CPQ: variants seen among roughly 807,000 people sequenced by gnomAD.
CPQ encodes Ser-Met dipeptidase.
A neutral mutation model predicts 45.7 loss-of-function variants in CPQ; 37 were observed. The observed-to-expected ratio is 0.81, with a 90% CI of 0.62 to 1.07. CPQ has a LOEUF of 1.07. Among genes scored for constraint, CPQ ranks in the 50% least tolerant of loss-of-function variants. The pLI is 0.00. For synonymous variants in CPQ, 186 were observed against 205.8 expected (o/e 0.90, Z 0.82); for missense variants, 537 against 572.9 (o/e 0.94, Z 0.64).
chr8:96,859,909 G>T (rs992235085), intron 3 of CPQ, among the ~76,000 whole-genome samples: 2 of 152,032 alleles, frequency 1.3e-5, no homozygotes, highest in Non-Finnish European at 2.9e-5. Flanking sequence ...ACTAATATCT[G>T]GAATTTCTGG....
chr8:97,079,961 A>G (rs780713958), intron 7 of CPQ, among the ~76,000 whole-genome samples: 12 of 152,154 alleles, frequency 7.9e-5, no homozygotes, highest in Non-Finnish European at 1.6e-4. Context: ...CAGGACAGCT[A>G]GAAACTTTTG....
chr8:96,880,267 G>C (rs1024526578), intron 4 of CPQ, among the ~76,000 whole-genome samples: 29 of 152,172 alleles, frequency 1.9e-4, no homozygotes, highest in African/African-American at 6.5e-4. Flanking sequence ...CTTATATGTT[G>C]TTGGAGGGAC....
chr8:96,846,038 G>A (rs980771880), intron 3 of CPQ, among the ~76,000 whole-genome samples: 2 of 152,086 alleles, frequency 1.3e-5, no homozygotes, highest in East Asian at 1.9e-4. Context: ...GGCTGGTCTC[G>A]AACTCCTGAC....
intron 3 of CPQ, among the ~76,000 whole-genome samples, chr8:96,873,887 G>A (rs558547416): frequency 6.6e-6 from 1 of 151,942 alleles, no homozygotes; most frequent in South Asian, 2.1e-4. Flanking sequence ...GAAATGCTCA[G>A]AAACATAAAG....
In CPQ at chr8:97,143,042, A is replaced by G. The variant is rs746324963; in HGVS notation, c.1278A>G (p.Leu426=). 8 of 1,613,942 alleles carry G rather than the reference A, an allele frequency of 5.0e-6. No homozygotes were observed. In the South Asian group the frequency reaches 7.7e-5, roughly 16 times the overall value. ...CAGGAGCCAGTCTACTTGATGACTTATACAAGTATTTCTTCTTCCATCACT... is the reference window on the plus strand; with the variant it reads ...CAGGAGCCAGTCTACTTGATGACTTGTACAAGTATTTCTTCTTCCATCACT... ...GVPGASLLDD[L]YKYFFFHHSH... Residue 426 remains leucine (L), a synonymous_variant, in exon 8 of 8, where the codon TTA becomes TTG. Coordinates refer to ENST00000220763, the MANE Select transcript of CPQ (RefSeq NM_016134.4).
intron 1 of CPQ, among the ~76,000 whole-genome samples, chr8:96,777,254 A>G (rs1810616666): frequency 6.6e-6 from 1 of 152,130 alleles, no homozygotes; most frequent in East Asian, 1.9e-4. Flanking sequence ...AGTAGGGGAA[A>G]ATGGTGGAAG....
chr8:96,784,690 C>T (rs528471889), intron 1 of CPQ, among the ~76,000 whole-genome samples, 174 bp from the exon 2 acceptor site: 18 of 152,178 alleles, frequency 1.2e-4, no homozygotes, highest in African/African-American at 3.6e-4. Flanking sequence ...GGAGGTCAAT[C>T]GTTGCCTCTT....
intron 5 of CPQ, among the ~76,000 whole-genome samples, chr8:97,021,862 A>C (rs934770125): frequency 3.3e-5 from 5 of 151,862 alleles, no homozygotes; most frequent in Non-Finnish European, 5.9e-5. Flanking sequence ...AAAAGCAAAC[A>C]AACAAACAAA....
At position 97,057,538 on chromosome 8, in the gene CPQ, A is replaced by G. The variant is rs1012461345; in HGVS notation, c.1054-8471A>G. Among the ~76,000 whole-genome samples, 9 of 152,316 alleles carry G rather than the reference A, an allele frequency of 5.9e-5. No individual in the cohort carries two copies. The East Asian group carries it at 1.7e-3, about 29-fold the overall frequency. ...ATCACGCTCTCACATTGGCAGCCAC[A>G]AGCTAGAGCTAAATTATATCCTCAA... On this transcript the variant is annotated intron_variant, in intron 6 of 7. Transcript: ENST00000220763.
intron 6 of CPQ, 61 bp from the exon 7 acceptor site, chr8:97,065,948 T>C (rs956957744): frequency 1.5e-5 from 23 of 1,515,686 alleles, no homozygotes; most frequent in Non-Finnish European, 2.0e-5. Context: ...TGTTTGATAG[T>C]TCCCAAGGAG....
At chr8:96,670,960 A>G (rs1427132040) in intron 1 of CPQ, among the ~76,000 whole-genome samples, 1 of 152,116 alleles carries the variant, frequency 6.6e-6, no homozygotes, top group East Asian at 1.9e-4. Context: ...GACATGCTCT[A>G]TGTCTGGACT....
intron 1 of CPQ, among the ~76,000 whole-genome samples, chr8:96,716,686 T>C (rs1043649636): frequency 6.6e-6 from 1 of 152,100 alleles, no homozygotes. Context: ...GATGGGCAGA[T>C]CACCTGAGGT....
intron 5 of CPQ, among the ~76,000 whole-genome samples, chr8:96,981,993 A>G (rs1232409718): frequency 6.6e-6 from 1 of 152,214 alleles, no homozygotes; most frequent in Non-Finnish European, 1.5e-5. Flanking sequence ...AACATAATCT[A>G]GGAAAAACAC....
chr8:97,101,795 G>A (rs920503561), intron 7 of CPQ, among the ~76,000 whole-genome samples: 3 of 151,834 alleles, frequency 2.0e-5, no homozygotes, highest in Non-Finnish European at 4.4e-5. Flanking sequence ...ATATATAAGG[G>A]CATATAATTA....
chr8:97,097,409 A>G (rs1811226728), intron 7 of CPQ, among the ~76,000 whole-genome samples: 1 of 152,168 alleles, frequency 6.6e-6, no homozygotes, highest in Non-Finnish European at 1.5e-5. Context: ...TATGCTTAAT[A>G]AATTACATTT....
intron 2 of CPQ, among the ~76,000 whole-genome samples, chr8:96,825,293 C>T (rs1377282378): frequency 6.6e-6 from 1 of 151,898 alleles, no homozygotes; most frequent in African/African-American, 2.4e-5. Context: ...TTTCCCTGGG[C>T]CTATAGTTAG....
intron 2 of CPQ, among the ~76,000 whole-genome samples, chr8:96,808,044 C>T (rs539582967): frequency 7.7e-4 from 118 of 152,290 alleles, no homozygotes; most frequent in African/African-American, 2.8e-3. Flanking sequence ...GTTATTTTCA[C>T]AAGTCCCTCT....
rs534296566 is a variant in CPQ at position 96,741,390 on chromosome 8, G to A, written c.-34-43474G>A. Among the ~76,000 whole-genome samples the A allele has an allele frequency of 3.6e-3, 548 of 152,010 alleles. 2 individuals are homozygous for A. Among genetic ancestry groups the A allele is most frequent in the African/African-American group, 0.012 (512 of 41,450 alleles). On this transcript the variant is annotated intron_variant, in intron 1 of 7. Transcript: ENST00000220763. Reference sequence around the variant, plus strand: ...TTTTTTCTTTATTAGTCTTGCTAGCGGTCTATCAATTTTGTTGATCCTTTC... The same window carrying A: ...TTTTTTCTTTATTAGTCTTGCTAGCAGTCTATCAATTTTGTTGATCCTTTC...
At chr8:97,095,377 T>C (rs2513410) in intron 7 of CPQ, among the ~76,000 whole-genome samples, 104,738 of 152,076 alleles carry the variant, frequency 0.69, 36,339 homozygotes, top group African/African-American at 0.74. Context: ...CACTCTCCCT[T>C]ATTCAGTCAA....
Sources: gnomAD v4.1 joint callset for allele counts (sites outside exome capture counted in the v4.1 genomes callset) on GRCh38, gnomAD v4.1.1 for gene constraint, MANE v1.5 for transcripts, NCBI Gene and HGNC (gene_info 2026-07-23, HGNC 2026-07-21) for gene names.